CAMK1D: variants seen among roughly 807,000 people sequenced by gnomAD.
CAMK1D encodes calcium/calmodulin-dependent protein kinase type 1D.
Under a neutral mutation model 47.7 loss-of-function variants are expected in CAMK1D, and 9 were observed. The observed-to-expected ratio is 0.19, with a 90% CI of 0.11 to 0.33. CAMK1D has a LOEUF of 0.33. Among genes scored for constraint, CAMK1D ranks in the 10% least tolerant of loss-of-function variants. The pLI is 1.00. For synonymous variants in CAMK1D, 184 were observed against 184.9 expected, an observed-to-expected ratio of 0.99 and a Z score of 0.04; for missense variants, 291 against 488.7, an observed-to-expected ratio of 0.60 and a Z score of 3.81.
At chr10:12,457,703 C>T (rs1204747686) in intron 1 of CAMK1D, among the ~76,000 whole-genome samples, 2 of 150,560 alleles carry the variant, frequency 1.3e-5, no homozygotes, top group African/African-American at 4.9e-5. Context: ...ATTGCTTGAA[C>T]CCAGGAGGCG....
chr10:12,803,259 A>T (rs1333467650), intron 6 of CAMK1D, among the ~76,000 whole-genome samples: 1 of 152,260 alleles, frequency 6.6e-6, no homozygotes, highest in Non-Finnish European at 1.5e-5. Flanking sequence ...CTATTGTAGA[A>T]AAGTAAATGT....
At chr10:12,803,117 T>G (rs1393689237) in intron 6 of CAMK1D, among the ~76,000 whole-genome samples, 4 of 152,238 alleles carry the variant, frequency 2.6e-5, no homozygotes, top group African/African-American at 9.6e-5. Flanking sequence ...ATTGAAAAAC[T>G]TAGAACTATG....
intron 1 of CAMK1D, among the ~76,000 whole-genome samples, chr10:12,399,710 CA>C (rs1216544940): frequency 2.6e-5 from 4 of 152,154 alleles, no homozygotes; most frequent in Non-Finnish European, 2.9e-5. Flanking sequence ...TTCACCTATT[CA>C]CTAAAATGTA....
intron 1 of CAMK1D, among the ~76,000 whole-genome samples, chr10:12,514,092 A>T (rs566379797): frequency 1.3e-5 from 2 of 152,186 alleles, no homozygotes; most frequent in South Asian, 4.2e-4. Flanking sequence ...TGCTATGATG[A>T]GGTAATGGCA....
intron 1 of CAMK1D, among the ~76,000 whole-genome samples, chr10:12,488,984 A>G (rs2492950): frequency 0.39 from 59,750 of 151,932 alleles, 11,983 homozygotes; most frequent in Middle Eastern, 0.45. Flanking sequence ...GGCCCAGGCT[A>G]GAGTGCAGTG....
intron 1 of CAMK1D, among the ~76,000 whole-genome samples, chr10:12,386,027 T>G (rs1363744143): frequency 1.3e-5 from 2 of 152,240 alleles, no homozygotes; most frequent in Non-Finnish European, 2.9e-5. Context: ...ATTACAGGCG[T>G]GAGCCACTGT....
At chr10:12,482,209 C>G (rs1177753544) in intron 1 of CAMK1D, among the ~76,000 whole-genome samples, 1 of 152,210 alleles carries the variant, frequency 6.6e-6, no homozygotes, top group African/African-American at 2.4e-5. Flanking sequence ...GCTCCTGCCT[C>G]CTCTCCTTTC....
intron 1 of CAMK1D, among the ~76,000 whole-genome samples, chr10:12,488,287 C>CTG (rs1407748047): frequency 6.6e-6 from 1 of 152,148 alleles, no homozygotes; most frequent in African/African-American, 2.4e-5. Context: ...AGTGCTTCCC[C>CTG]TGTGCACCCT....
At chr10:12,701,017 G>A (rs1588820052) in intron 3 of CAMK1D, among the ~76,000 whole-genome samples, 1 of 152,250 alleles carries the variant, frequency 6.6e-6, no homozygotes, top group South Asian at 2.1e-4. Flanking sequence ...GGTGAGAAGG[G>A]GCTGGATCCA....
At chr10:12,569,644 G>A (rs1234020787) in intron 2 of CAMK1D, among the ~76,000 whole-genome samples, 4 of 149,366 alleles carry the variant, frequency 2.7e-5, no homozygotes, top group South Asian at 2.1e-4. Context: ...GCGTGAACCC[G>A]GGAGGTGGAG....
At chr10:12,802,122 AT>A (rs1320054038) in intron 6 of CAMK1D, among the ~76,000 whole-genome samples, 1 of 152,160 alleles carries the variant, frequency 6.6e-6, no homozygotes, top group Admixed American at 6.5e-5. Context: ...ATGTTCAAAT[AT>A]TTTTTCATAA....
At chr10:12,570,679 T>TC (rs1411000232) in intron 2 of CAMK1D, among the ~76,000 whole-genome samples, 1 of 51,374 alleles carries the variant, frequency 1.9e-5, no homozygotes, top group African/African-American at 1.2e-4. Flanking sequence ...AAACTCCATC[T>TC]CAAAAAAAAA....
chr10:12,795,302 G>A (rs983096776), intron 6 of CAMK1D, among the ~76,000 whole-genome samples: 6 of 152,320 alleles, frequency 3.9e-5, no homozygotes, highest in Non-Finnish European at 7.3e-5. Flanking sequence ...TTGTGTCGAT[G>A]TCAGAGGTGG....
intron 1 of CAMK1D, among the ~76,000 whole-genome samples, chr10:12,528,630 C>T (rs910668668): frequency 1.3e-5 from 2 of 152,232 alleles, no homozygotes; most frequent in Middle Eastern, 3.4e-3. Flanking sequence ...AAAAATCACA[C>T]CCTCATGGGT....
chr10:12,473,886 G>A (rs1016443321), intron 1 of CAMK1D, among the ~76,000 whole-genome samples: 3 of 152,206 alleles, frequency 2.0e-5, no homozygotes, highest in African/African-American at 7.2e-5. Context: ...AGTTTTTGTA[G>A]GGGATTCTCA....
At chr10:12,541,449 C>G (rs983125180) in intron 1 of CAMK1D, among the ~76,000 whole-genome samples, 1 of 152,078 alleles carries the variant, frequency 6.6e-6, no homozygotes, top group Non-Finnish European at 1.5e-5. Flanking sequence ...CTGCAACCTC[C>G]GCTGCCTGGG....
rs558191067 is a variant in CAMK1D at position 12,370,186 on chromosome 10, G to A, written c.92+20276G>A. Among the ~76,000 whole-genome samples the A allele has an allele frequency of 1.1e-3, 172 of 151,996 alleles. 1 individual carries two copies. The highest frequency in any genetic ancestry group is 1.8e-3 in the Non-Finnish European group (121 of 68,010). ...GGAGCGGAAGCATTCCTGTTGCCTC[G>A]TTGTCGCTGTCATGATGTTGTGGTG... On this transcript the variant is annotated intron_variant, in intron 1 of 10. Transcript: ENST00000619168.
chr10:12,371,086 G>A (rs1371625468), intron 1 of CAMK1D, among the ~76,000 whole-genome samples: 2 of 152,080 alleles, frequency 1.3e-5, no homozygotes, highest in African/African-American at 2.4e-5. Context: ...ATCATTGATG[G>A]AAGAAAAATT....
chr10:12,429,690 C>G (rs1406681344), intron 1 of CAMK1D, among the ~76,000 whole-genome samples: 1 of 152,162 alleles, frequency 6.6e-6, no homozygotes, highest in Non-Finnish European at 1.5e-5. Flanking sequence ...CTTCAGTCAT[C>G]CACCTCACTG....
Sources: allele counts gnomAD v4.1 joint callset (sites outside exome capture counted in the v4.1 genomes callset), GRCh38; gene constraint gnomAD v4.1.1; transcripts MANE v1.5; gene names NCBI Gene and HGNC (gene_info 2026-07-23, HGNC 2026-07-21).